The following PCDHA7 variants were observed in gnomAD, a reference collection of about 807,000 sequenced individuals.
PCDHA7 encodes the protein protocadherin alpha-7.
PCDHA7 carries 37 observed loss-of-function variants against 57.2 expected under a neutral mutation model. The ratio of observed to expected loss-of-function variants is 0.65; its 90% CI spans 0.50 to 0.85. The LOEUF is 0.85. Ranked by LOEUF, PCDHA7 falls within the 40% of genes least tolerant of loss-of-function variation. PCDHA7 has a pLI of 0.00. For missense variants in PCDHA7, 1,188 were observed against 1,241.8 expected (o/e 0.96, Z 0.65); for synonymous variants, 553 against 558.8 (o/e 0.99, Z 0.15).
chr5:140,968,185 C>T (rs1554230464), intron 1 of PCDHA7: 1 of 1,614,034 alleles, frequency 6.2e-7, no homozygotes, highest in East Asian at 2.2e-5. Context: ...TGGAGGACTC[C>T]TATTCCATCT....
chr5:140,929,665 AGAAT>A (rs2086286980), intron 1 of PCDHA7: 2 of 332,822 alleles, frequency 6.0e-6, no homozygotes, highest in East Asian at 1.0e-4. Flanking sequence ...TTTAAAGTGA[AGAAT>A]GAAAAATATG....
chr5:140,875,891 T>C (rs781902632), intron 1 of PCDHA7: 3 of 1,614,008 alleles, frequency 1.9e-6, no homozygotes, highest in Non-Finnish European at 2.5e-6. Context: ...GAACAAAAGG[T>C]ACCTGTTTCT....
chr5:140,876,469 C>T, intron 1 of PCDHA7: 1 of 1,613,956 alleles, frequency 6.2e-7, no homozygotes. Context: ...CATGGCAGGT[C>T]ACAGCATGGT....
chr5:140,843,552 C>G (rs2150362585), intron 1 of PCDHA7: 1 of 1,595,800 alleles, frequency 6.3e-7, no homozygotes, highest in Non-Finnish European at 8.6e-7. Context: ...TGCTCCAGTG[C>G]GGTGGGGAGC....
At chr5:140,952,349 A>T (rs1554220373) in intron 1 of PCDHA7, among the ~76,000 whole-genome samples, 2 of 152,000 alleles carry the variant, frequency 1.3e-5, no homozygotes, top group African/African-American at 4.8e-5. Flanking sequence ...AAAAAAAAAA[A>T]AAAAAGAAAG....
intron 1 of PCDHA7, chr5:140,860,114 T>C (rs2046188052): frequency 6.6e-6 from 1 of 151,042 alleles, no homozygotes. Context: ...CATAGGGATA[T>C]CTTGTACTGT....
chr5:140,925,254 A>G (rs1554202655), intron 1 of PCDHA7, among the ~76,000 whole-genome samples: 1 of 152,188 alleles, frequency 6.6e-6, no homozygotes, highest in African/African-American at 2.4e-5. Context: ...GGAAACTTTA[A>G]TTCTTGATCT....
intron 1 of PCDHA7, among the ~76,000 whole-genome samples, chr5:140,921,194 A>T (rs187774850): frequency 1.3e-5 from 2 of 152,046 alleles, no homozygotes; most frequent in Admixed American, 1.3e-4. Context: ...TTCACAATAG[A>T]TTGACAACGA....
At chr5:140,927,417 G>A (rs74597681) in intron 1 of PCDHA7, 37,118 of 1,614,096 alleles carry the variant, frequency 0.023, 560 homozygotes, top group African/African-American at 0.056. Flanking sequence ...ACATGGGATC[G>A]CGGGTTGACG....
chr5:140,850,139 C>G (rs2041373469), intron 1 of PCDHA7: 1 of 1,595,636 alleles, frequency 6.3e-7, no homozygotes, highest in African/African-American at 1.3e-5. Context: ...TGGGCAGCAA[C>G]GTGACGCTGC....
At chr5:141,006,276 A>T (rs2098265134) in intron 3 of PCDHA7, among the ~76,000 whole-genome samples, 1 of 151,894 alleles carries the variant, frequency 6.6e-6, no homozygotes, top group Admixed American at 6.6e-5. Context: ...CAGTGGCACG[A>T]TCTCAGCTCA....
chr5:140,838,953 TA>T (rs1215369641), intron 1 of PCDHA7, among the ~76,000 whole-genome samples: 1 of 151,860 alleles, frequency 6.6e-6, no homozygotes, highest in Non-Finnish European at 1.5e-5. Flanking sequence ...TAAAATAAAA[TA>T]AAAACCCAGA....
chr5:140,843,498 T>C (rs1554140141), intron 1 of PCDHA7: 1 of 1,595,918 alleles, frequency 6.3e-7, no homozygotes, highest in Admixed American at 1.7e-5. Flanking sequence ...TGCTCAGCAC[T>C]GCCCACTGAG....
At chr5:140,967,442 G>T in intron 1 of PCDHA7, 1 of 1,613,600 alleles carries the variant, frequency 6.2e-7, no homozygotes, top group Non-Finnish European at 8.5e-7. Context: ...GCACCACCTG[G>T]TTCTCACAGC....
intron 1 of PCDHA7, chr5:140,856,704 C>CAGT (rs2150363917): frequency 6.3e-7 from 1 of 1,596,654 alleles, no homozygotes; most frequent in East Asian, 2.2e-5. Flanking sequence ...GGAGGCAAAC[C>CAGT]TGAATTTACC....
intron 1 of PCDHA7, among the ~76,000 whole-genome samples, chr5:140,888,192 A>T (rs906159358): frequency 6.6e-6 from 1 of 152,120 alleles, no homozygotes; most frequent in Non-Finnish European, 1.5e-5. Context: ...TGAATTTTAC[A>T]TTGTCGGATG....
intron 1 of PCDHA7, chr5:140,927,527 C>A (rs1554204693): frequency 6.2e-7 from 1 of 1,614,084 alleles, no homozygotes. Flanking sequence ...GGGCTACCTG[C>A]CCGCTCAGGA....
At chr5:140,883,366 C>T (rs34923516) in intron 1 of PCDHA7, 1 of 1,614,174 alleles carries the variant, frequency 6.2e-7, no homozygotes, top group South Asian at 1.1e-5. Context: ...CTCAGCCTAG[C>T]GCCATTATTG....
At chr5:140,837,655 T>G (rs1323533582) in intron 1 of PCDHA7, among the ~76,000 whole-genome samples, 2 of 151,204 alleles carry the variant, frequency 1.3e-5, no homozygotes, top group Admixed American at 1.3e-4. Flanking sequence ...CTTTCTTCCT[T>G]TTTCTTTCAT....
Sources: allele counts gnomAD v4.1 joint callset (sites outside exome capture counted in the v4.1 genomes callset), GRCh38; gene constraint gnomAD v4.1.1; transcripts MANE v1.5; gene names NCBI Gene and HGNC (gene_info 2026-07-23, HGNC 2026-07-21).